Variants in ACCS observed in about 807,000 individuals in gnomAD.
The protein encoded by ACCS is 1-aminocyclopropane-1-carboxylate synthase-like protein 1.
Under a neutral mutation model 59.8 loss-of-function variants are expected in ACCS, and 42 were observed. The observed-to-expected ratio is 0.70, with a 90% CI of 0.55 to 0.91. ACCS has a LOEUF of 0.91. Ranked by LOEUF, ACCS falls within the 40% of genes least tolerant of loss-of-function variation. ACCS has a pLI of 0.00. For missense variants in ACCS, 602 were observed against 630.4 expected (o/e 0.95, Z 0.48); for synonymous variants, 230 against 240.3 (o/e 0.96, Z 0.40).
intron 4 of ACCS, 76 bp from the exon 5 acceptor site, chr11:44,074,536 T>C (rs1331861677): frequency 1.8e-6 from 2 of 1,125,002 alleles, no homozygotes; most frequent in African/African-American, 1.5e-5. Flanking sequence ...TGCCTGAGGA[T>C]TCACCAGAGG....
intron 10 of ACCS, 48 bp from the exon 11 acceptor site, chr11:44,080,972 T>A: frequency 6.2e-7 from 1 of 1,610,876 alleles, no homozygotes; most frequent in Non-Finnish European, 8.5e-7. Context: ...CACATGTGGG[T>A]TTCCATAGTT....
chr11:44,070,104 G>A (rs999835394), intron 2 of ACCS, among the ~76,000 whole-genome samples: 1 of 152,190 alleles, frequency 6.6e-6, no homozygotes, highest in African/African-American at 2.4e-5. Flanking sequence ...GTCAGAAAGA[G>A]GATGGGGTGG....
chr11:44,071,590 G>A (rs1370132234), intron 3 of ACCS: 2 of 383,014 alleles, frequency 5.2e-6, no homozygotes, highest in Non-Finnish European at 9.5e-6. Flanking sequence ...AACACTCAGT[G>A]CTTTGTGGTG....
Position 44,066,691 on chromosome 11 carries a change from G to C in ACCS, c.-11G>C, listed in dbSNP as rs1458209611. On this transcript the variant is annotated 5_prime_UTR_variant, in exon 1 of 15. Transcript: ENST00000263776. ...CCCTTCCTCGGACCTGGGCTGTCGG[G>C]AGAGCTGGAGGTGAGCGCTCTTGGG... 1 of 152,336 alleles carries C rather than the reference G, an allele frequency of 6.6e-6. No homozygotes were observed. The highest frequency in any genetic ancestry group is 6.5e-5 in the Admixed American group (1 of 15,292). 9.4% of individuals were successfully genotyped at this position (152,336 alleles called of 1,614,324 possible).
intron 6 of ACCS, among the ~76,000 whole-genome samples, chr11:44,076,676 G>T (rs1590489792): frequency 1.3e-5 from 2 of 152,352 alleles, no homozygotes; most frequent in South Asian, 2.1e-4. Flanking sequence ...AATGTTCAGT[G>T]CATTTCCCAT....
At position 44,069,722 on chromosome 11, in the gene ACCS, C is replaced by G. The variant is rs528925616; in HGVS notation, c.289-1534C>G. On this transcript the variant is annotated intron_variant, in intron 2 of 14. Transcript: ENST00000263776. ...GCTTCTTCACAGAATTGCCTCATGG[C>G]ATGGTAGCTGGCTTCTCTCAGGGCA... is the stretch of plus-strand genomic sequence containing the variant. Among the ~76,000 whole-genome samples, 14 of 152,324 alleles carry G rather than the reference C, an allele frequency of 9.2e-5. No individual in the cohort carries two copies. In the South Asian group the frequency reaches 1.5e-3, roughly 16 times the overall value.
At chr11:44,072,251 G>C (rs903739834) in intron 3 of ACCS, 1 of 151,930 alleles carries the variant, frequency 6.6e-6, no homozygotes, top group Admixed American at 6.6e-5. Context: ...CCCTCCTCCC[G>C]GGTTCAAGCA....
chr11:44,074,436 G>A (rs1032851235), intron 4 of ACCS, among the ~76,000 whole-genome samples, 176 bp from the exon 5 acceptor site: 1 of 151,988 alleles, frequency 6.6e-6, no homozygotes, highest in Admixed American at 6.6e-5. Flanking sequence ...CAATGCATGT[G>A]GGTACTGGGG....
chr11:44,074,714 C>A (rs375796014), intron 5 of ACCS, 33 bp downstream of exon 5: 94 of 1,313,530 alleles, frequency 7.2e-5, no homozygotes, highest in Non-Finnish European at 1.1e-5. Flanking sequence ...CCTTCCTGTT[C>A]TCCTGCCTCC....
chr11:44,072,873 C>T (rs1953126973), intron 3 of ACCS, among the ~76,000 whole-genome samples: 1 of 152,178 alleles, frequency 6.6e-6, no homozygotes, highest in African/African-American at 2.4e-5. Flanking sequence ...TCCCTTTCTT[C>T]CTTTTGGCCC....
intron 6 of ACCS, chr11:44,075,829 G>A (rs1448441232): frequency 4.0e-6 from 2 of 497,732 alleles, no homozygotes; most frequent in Non-Finnish European, 7.2e-6. Context: ...GCTGCTTCAT[G>A]CTCATAAGGT....
chr11:44,073,541 T>C, intron 4 of ACCS, 24 bp downstream of exon 4: 1 of 1,587,608 alleles, frequency 6.3e-7, no homozygotes, highest in Non-Finnish European at 8.6e-7. Context: ...ATAGGGTGAG[T>C]TTGTCCCCCT....
chr11:44,075,639 T>C, intron 6 of ACCS, 47 bp downstream of exon 6: 1 of 1,599,378 alleles, frequency 6.3e-7, no homozygotes, highest in Admixed American at 1.7e-5. Context: ...CTCATTGTGC[T>C]TGCAGGGTTC....
chr11:44,083,803 G>T lies in ACCS; in HGVS notation c.*11G>T, dbSNP rs1389254810. 1.3e-6 allele frequency: 2 copies of T among 1,592,210 alleles called. No individual in the cohort carries two copies. The highest frequency in any genetic ancestry group is 1.7e-6 in the Non-Finnish European group (2 of 1,169,250). On this transcript the variant is annotated 3_prime_UTR_variant, in exon 15 of 15. Transcript: ENST00000263776. ...GACCAACGCAGGTGAGCTGGTCATT[G>T]TCTCGTGGCCAGAGGGCCCAGCAGC...
At chr11:44,076,759 G>A (rs1953380875) in intron 6 of ACCS, among the ~76,000 whole-genome samples, 1 of 152,212 alleles carries the variant, frequency 6.6e-6, no homozygotes, top group Admixed American at 6.5e-5. Flanking sequence ...GTTCTCATGT[G>A]CTAATAAAGA....
intron 10 of ACCS, 199 bp from the exon 11 acceptor site, chr11:44,080,821 A>C: frequency 3.3e-6 from 2 of 606,472 alleles, no homozygotes; most frequent in Non-Finnish European, 5.8e-6. Flanking sequence ...GCAGCAGGCT[A>C]TGTTTGGCCC....
chr11:44,079,314 C>T (rs1044588396), intron 9 of ACCS: 18 of 542,350 alleles, frequency 3.3e-5, no homozygotes, highest in Non-Finnish European at 4.9e-5. Context: ...CTTTTCTCCC[C>T]TGCAGTGCTT....
In ACCS at chr11:44,075,366, G is replaced by A. The variant is rs79243553; in HGVS notation, c.490-160G>A. ...AGATGATCTGGAGCAGGGTCCACACGGATGAGCTTGGCTGTCAGTCTAGTG... is the reference window on the plus strand; with the variant it reads ...AGATGATCTGGAGCAGGGTCCACACAGATGAGCTTGGCTGTCAGTCTAGTG... On this transcript the variant is annotated intron_variant, in intron 5 of 14. Transcript: ENST00000263776. Among the ~76,000 whole-genome samples, 694 of 152,294 alleles carry A rather than the reference G, an allele frequency of 4.6e-3. 6 individuals are homozygous for A. The highest frequency in any genetic ancestry group is 0.016 in the African/African-American group (658 of 41,554).
chr11:44,076,762 A>G (rs1024506899), intron 6 of ACCS, among the ~76,000 whole-genome samples: 3 of 152,252 alleles, frequency 2.0e-5, no homozygotes, highest in Admixed American at 1.3e-4. Flanking sequence ...CTCATGTGCT[A>G]ATAAAGACAT....
Sources: allele counts gnomAD v4.1 joint callset (sites outside exome capture counted in the v4.1 genomes callset), GRCh38; gene constraint gnomAD v4.1.1; transcripts MANE v1.5; gene names NCBI Gene and HGNC (gene_info 2026-07-23, HGNC 2026-07-21).